Variants in GALNT11 observed in about 807,000 individuals in gnomAD.
GALNT11 encodes the protein UDP-GalNAc:polypeptide N-acetylgalactosaminyltransferase 11.
In GALNT11, 47 loss-of-function variants were observed where a neutral mutation model predicts 72.7. The observed-to-expected ratio is 0.65, with a 90% CI of 0.51 to 0.82. The LOEUF (loss-of-function observed/expected upper bound fraction) is 0.82. Among genes scored for constraint, GALNT11 ranks in the 40% least tolerant of loss-of-function variants. The probability of loss-of-function intolerance (pLI) is 0.00; values close to 1 mark genes in which losing one functional copy is unlikely to be tolerated. For synonymous variants in GALNT11, 270 were observed against 286.6 expected, an observed-to-expected ratio of 0.94 and a Z score of 0.58; for missense variants, 677 against 778.4, an observed-to-expected ratio of 0.87 and a Z score of 1.55.
intron 1 of GALNT11, among the ~76,000 whole-genome samples, chr7:152,092,515 TTTTTG>T (rs1489301505): frequency 2.0e-5 from 3 of 152,144 alleles, no homozygotes. Flanking sequence ...TTTGGTTGGG[TTTTTG>T]TTTTGTTTTG....
intron 1 of GALNT11, among the ~76,000 whole-genome samples, chr7:152,086,399 A>G (rs1336961018): frequency 6.6e-6 from 1 of 152,248 alleles, no homozygotes; most frequent in Non-Finnish European, 1.5e-5. Context: ...ATTGTATAAA[A>G]GAAATGATGG....
At chr7:152,113,712 CTTTTTTTTTTTTT>C (rs6150397) in intron 8 of GALNT11, among the ~76,000 whole-genome samples, 302 of 96,750 alleles carry the variant, frequency 3.1e-3, no homozygotes, top group African/African-American at 7.0e-3. Context: ...AGTTGGCTTT[CTTTTTTTTTTTTT>C]TTTTTTTTTT....
chr7:152,097,154 A>G (rs1369553454), intron 2 of GALNT11, among the ~76,000 whole-genome samples: 1 of 152,196 alleles, frequency 6.6e-6, no homozygotes, highest in Admixed American at 6.5e-5. Flanking sequence ...ACTCAGTAAT[A>G]AAAAGACAAA....
intron 1 of GALNT11, among the ~76,000 whole-genome samples, chr7:152,073,925 A>G (rs1463987573): frequency 6.6e-6 from 1 of 151,930 alleles, no homozygotes; most frequent in African/African-American, 2.4e-5. Context: ...TTTGTCATAT[A>G]TTTCTTGGCC....
At chr7:152,059,553 A>C (rs1289256923) in intron 1 of GALNT11, among the ~76,000 whole-genome samples, 1 of 152,078 alleles carries the variant, frequency 6.6e-6, no homozygotes, top group Non-Finnish European at 1.5e-5. Context: ...AGTAGAAATT[A>C]CTCCTTGATC....
intron 3 of GALNT11, among the ~76,000 whole-genome samples, chr7:152,102,410 C>T (rs1417975403): frequency 3.3e-5 from 5 of 151,818 alleles, no homozygotes; most frequent in African/African-American, 7.3e-5. Context: ...GGCGTGGTGG[C>T]GCAGGCCTGT....
chr7:152,089,202 CTT>C (rs993243493), intron 1 of GALNT11, among the ~76,000 whole-genome samples: 1 of 152,080 alleles, frequency 6.6e-6, no homozygotes, highest in African/African-American at 2.4e-5. Context: ...GGACAACAGT[CTT>C]TGTGCACAGA....
intron 1 of GALNT11, among the ~76,000 whole-genome samples, chr7:152,068,965 C>T (rs1393764650): frequency 1.3e-5 from 2 of 152,148 alleles, no homozygotes; most frequent in Admixed American, 6.5e-5. Context: ...CCCACAAGCA[C>T]ATGAAAACCC....
Position 152,088,233 on chromosome 7 carries a change from G to A in GALNT11, c.-38-5957G>A, listed in dbSNP as rs1362583174. Among the ~76,000 whole-genome samples the A allele has an allele frequency of 4.6e-5, 7 of 152,226 alleles. No individual in the cohort carries two copies. In the East Asian group the frequency reaches 1.2e-3, roughly 25 times the overall value. On this transcript the variant is annotated intron_variant, in intron 1 of 11. Coordinates refer to ENST00000430044, the MANE Select transcript of GALNT11 (RefSeq NM_022087.4). ...TTTGTCTTTTATTTTTAAAGAAAAT[G>A]GTTTTGTTGTTTCATTGTTTAGTAT...
In GALNT11 at chr7:152,044,123, G is replaced by A. The variant is rs111430621; in HGVS notation, c.-39+18239G>A. 1.7e-3 allele frequency among the ~76,000 whole-genome samples: 266 copies of A among 152,272 alleles called. 2 individuals carry two copies. Among genetic ancestry groups the A allele is most frequent in the African/African-American group, 6.1e-3 (255 of 41,538 alleles). ...AAAGACACACACACAGAAATATAGAGTGTGGAATGGGAAATCAGGGGTCTC... is the reference window on the plus strand; with the variant it reads ...AAAGACACACACACAGAAATATAGAATGTGGAATGGGAAATCAGGGGTCTC... On this transcript the variant is annotated intron_variant, in intron 1 of 11. Coordinates refer to ENST00000430044, the MANE Select transcript of GALNT11 (RefSeq NM_022087.4).
chr7:152,062,423 T>C (rs1320456805), intron 1 of GALNT11, among the ~76,000 whole-genome samples: 1 of 152,230 alleles, frequency 6.6e-6, no homozygotes, highest in Non-Finnish European at 1.5e-5. Flanking sequence ...AGGGACAATT[T>C]GACTTCCACT....
intron 1 of GALNT11, among the ~76,000 whole-genome samples, chr7:152,083,482 CAT>C (rs1563061861): frequency 2.6e-5 from 4 of 152,136 alleles, no homozygotes. Flanking sequence ...TTATAGCAAA[CAT>C]ATTAGATTTC....
chr7:152,094,471 A>T lies in GALNT11; in HGVS notation c.244A>T (p.Ser82Cys). ...KANKIDDVID[S>C]RVEDPEEGHL... The stretch of plus-strand genomic sequence containing the variant: ...AAACAAAATTGACGATGTGATAGAC[A>T]GTCGTGTTGAAGATCCAGAAGAAGG... Residue 82 changes from serine (S) to cysteine (C), a missense_variant, in exon 2 of 12, where the codon AGT (serine) becomes TGT (cysteine). Transcript: ENST00000430044. This position sits in a 1 kb window ranked among gnomAD's most constrained non-coding sequence, Gnocchi z 4.3. The T allele has an allele frequency of 6.2e-7, 1 of 1,613,818 alleles. No homozygotes were observed. The highest frequency in any genetic ancestry group is 8.5e-7 in the Non-Finnish European group (1 of 1,179,822).
intron 1 of GALNT11, among the ~76,000 whole-genome samples, chr7:152,043,518 TATA>T (rs912433695): frequency 3.7e-4 from 56 of 152,310 alleles, no homozygotes; most frequent in Admixed American, 3.3e-4. Context: ...CAAATGTAGC[TATA>T]ATATTTCCCT....
chr7:152,039,102 T>C (rs2082723302), intron 1 of GALNT11, among the ~76,000 whole-genome samples: 1 of 152,214 alleles, frequency 6.6e-6, no homozygotes, highest in Admixed American at 6.5e-5. Flanking sequence ...TTCTACCATC[T>C]GACCATTTTG....
chr7:152,083,109 T>C (rs1053893146), intron 1 of GALNT11, among the ~76,000 whole-genome samples: 1 of 152,224 alleles, frequency 6.6e-6, no homozygotes, highest in Non-Finnish European at 1.5e-5. Flanking sequence ...ATTGTGAGTA[T>C]TTTTTCTAGT....
intron 1 of GALNT11, among the ~76,000 whole-genome samples, chr7:152,074,746 C>T (rs2084850630): frequency 1.3e-5 from 2 of 152,166 alleles, no homozygotes; most frequent in South Asian, 2.1e-4. Flanking sequence ...TTACAGTGGG[C>T]TGTGATCTTC....
chr7:152,069,649 A>G (rs1467139256), intron 1 of GALNT11, among the ~76,000 whole-genome samples: 2 of 152,190 alleles, frequency 1.3e-5, no homozygotes, highest in Non-Finnish European at 2.9e-5. Flanking sequence ...CGACCTCTTT[A>G]TCATTATATA....
Position 152,037,212 on chromosome 7 carries a change from T to C in GALNT11, c.-39+11328T>C, listed in dbSNP as rs148712279. ...TTTCATAGCTTGAGGTCTTAAGTCT[T>C]TAATTCATTTCAATTTGATTTTTGT... On this transcript the variant is annotated intron_variant, in intron 1 of 11. Transcript: ENST00000430044. Among the ~76,000 whole-genome samples, 312 of 152,352 alleles carry C rather than the reference T, an allele frequency of 2.0e-3. 1 individual carries two copies. The highest frequency in any genetic ancestry group is 3.5e-3 in the Non-Finnish European group (236 of 68,026).
Sources: allele counts gnomAD v4.1 joint callset (sites outside exome capture counted in the v4.1 genomes callset), GRCh38; gene constraint gnomAD v4.1.1; non-coding constraint Gnocchi (gnomAD v3.1); transcripts MANE v1.5; gene names NCBI Gene and HGNC (gene_info 2026-07-23, HGNC 2026-07-21).